Variants in MICA observed in about 807,000 individuals in gnomAD.
MICA encodes the protein MHC class I polypeptide-related sequence A, also known as HLA class I antigen.
MICA carries 18 observed loss-of-function variants against 34.3 expected under a neutral mutation model. That is an observed-to-expected ratio of 0.52 (90% CI 0.36 to 0.78). MICA has a LOEUF of 0.78. MICA is among the 30% of genes least tolerant of loss of function. The probability of loss-of-function intolerance (pLI) is 0.00; values close to 1 mark genes in which losing one functional copy is unlikely to be tolerated. For missense variants in MICA, 333 were observed against 409.4 expected, an observed-to-expected ratio of 0.81 and a Z score of 1.61; for synonymous variants, 135 against 156.9, an observed-to-expected ratio of 0.86 and a Z score of 1.04.
Position 31,411,413 on chromosome 6 carries a change from T to C in MICA, c.613+54T>C. On this transcript the variant is annotated intron_variant, in intron 3 of 5. Coordinates refer to ENST00000449934, the MANE Select transcript of MICA (RefSeq NM_001177519.3). The surrounding 1 kb of genome is among the most constrained non-coding windows in gnomAD (Gnocchi z 4.3). ...TCCCTCCAATTCTGCTAGAGTTGCC[T>C]CACCTCCCAGATGTGTCCAGGGAAA... is the stretch of plus-strand genomic sequence containing the variant. 1 of 1,493,676 alleles carries C rather than the reference T, an allele frequency of 6.7e-7. No individual in the cohort carries two copies. The highest frequency in any genetic ancestry group is 2.1e-5 in the Admixed American group (1 of 47,070). 92.5% of individuals were successfully genotyped at this position (1,493,676 alleles called of 1,614,324 possible).
rs3828875 is a variant in MICA, at chr6:31,411,391, C to T, written c.613+32C>T. On this transcript the variant is annotated intron_variant, in intron 3 of 5. Coordinates refer to ENST00000449934, the MANE Select transcript of MICA (RefSeq NM_001177519.3). The surrounding 1 kb of genome is among the most constrained non-coding windows in gnomAD (Gnocchi z 4.3). ...ACGCTGGCCAGGGGCTCTCCTCTCC[C>T]TCCAATTCTGCTAGAGTTGCCTCAC... 55,183 of 1,527,512 alleles carry T rather than the reference C, an allele frequency of 0.036. 1,891 individuals carry two copies. The highest frequency in any genetic ancestry group is 0.097 in the Admixed American group (4,703 of 48,546). The allele number at this position is 1,527,512 out of a possible 1,614,324, so 94.6% of individuals were successfully genotyped here.
At chr6:31,401,461 C>T (rs951854312), upstream of MICA, among the ~76,000 whole-genome samples, 6 of 151,506 alleles carry the variant, frequency 4.0e-5, no homozygotes, top group African/African-American at 7.3e-5. Flanking sequence ...AAAGAAGAAA[C>T]GGACACATTT....
intron 1 of MICA, among the ~76,000 whole-genome samples, chr6:31,409,550 AT>A (rs1269429406): frequency 9.1e-6 from 1 of 109,522 alleles, no homozygotes; most frequent in African/African-American, 2.9e-5. Context: ...TATTTATTTC[AT>A]TTCGGGGTTG....
rs1771069379 is a variant in MICA, at chr6:31,410,684, A to C, written c.212A>C (p.Gln71Pro). ...RQKCRAKPQGQWAEDVLGNKT... is the reference protein window; with the variant it reads ...RQKCRAKPQGPWAEDVLGNKT... ...AAATGCAGGGCAAAGCCCCAGGGAC[A>C]GTGGGCAGAAGATGTCCTGGGAAAT... The change falls in exon 2 of 6, where the codon CAG becomes CCG. Residue 71 changes from glutamine to proline, a missense_variant. Physicochemically the swap from Gln to Pro is moderately conservative, Grantham distance 76. Transcript: ENST00000449934. 6.2e-7 allele frequency: 1 copy of C among 1,613,486 alleles called. No homozygotes were observed. Among genetic ancestry groups the C allele is most frequent in the Non-Finnish European group, 8.5e-7 (1 of 1,180,006 alleles).
At chr6:31,403,319 C>T (rs552836415), upstream of MICA, among the ~76,000 whole-genome samples, 1 of 151,884 alleles carries the variant, frequency 6.6e-6, no homozygotes, top group South Asian at 2.1e-4. The surrounding 1 kb of genome is among the most constrained non-coding windows in gnomAD (Gnocchi z 4.7). Flanking sequence ...GCAGGCAGGG[C>T]CCTGGCCGTG....
In MICA at chr6:31,415,034, G is replaced by C. The variant is rs774160539; in HGVS notation, c.*52G>C. On this transcript the variant is annotated 3_prime_UTR_variant, in exon 6 of 6. Coordinates refer to ENST00000449934, the MANE Select transcript of MICA (RefSeq NM_001177519.3). ...CAGAGCTCGTGAGCCTGCAGGTCCTGGATCAACACCCAGTTGGGACGAGTG... is the reference window on the plus strand; with the variant it reads ...CAGAGCTCGTGAGCCTGCAGGTCCTCGATCAACACCCAGTTGGGACGAGTG... 4 of 1,470,602 alleles carry C rather than the reference G, an allele frequency of 2.7e-6. No homozygotes were observed. The highest frequency in any genetic ancestry group is 3.8e-6 in the Non-Finnish European group (4 of 1,059,090). 91.1% of individuals were successfully genotyped at this position (1,470,602 alleles called of 1,614,324 possible).
intron 1 of MICA, among the ~76,000 whole-genome samples, chr6:31,407,678 G>T (rs934751493): frequency 1.3e-5 from 2 of 151,920 alleles, no homozygotes; most frequent in African/African-American, 2.4e-5. Context: ...TGTTAGCACT[G>T]ATTTTTGCAT....
At chr6:31,410,011 ACTTCTCTGGGGCTACAAC>A (rs1771002148) in intron 1 of MICA, among the ~76,000 whole-genome samples, 2 of 150,876 alleles carry the variant, frequency 1.3e-5, no homozygotes, top group African/African-American at 4.9e-5. Flanking sequence ...CCCACTATAA[ACTTCTCTGGGGCTACAAC>A]CTTCCTACCC....
chr6:31,412,318 T>C lies in MICA; in HGVS notation c.893-7T>C, dbSNP rs746490994. ...TGCCCAGTGTATAACAAGTCCCTTTTTTTCAGGGAAAGTGCTGGTGCTTCA... is the reference window on the plus strand; with the variant it reads ...TGCCCAGTGTATAACAAGTCCCTTTCTTTCAGGGAAAGTGCTGGTGCTTCA... On this transcript the variant is annotated splice_region_variant and splice_polypyrimidine_tract_variant and intron_variant, in intron 4 of 5. Transcript: ENST00000449934. The C allele has an allele frequency of 1.2e-6, 2 of 1,604,310 alleles. No individual in the cohort carries two copies. The highest frequency in any genetic ancestry group is 1.1e-5 in the South Asian group (1 of 89,822).
chr6:31,413,446 C>T (rs77563643), intron 5 of MICA, among the ~76,000 whole-genome samples: 8,508 of 151,908 alleles, frequency 0.056, 419 homozygotes, highest in South Asian at 0.17. Flanking sequence ...GAGTAAGGGA[C>T]GGTCAGAATC....
At chr6:31,412,645 A>G (rs2256174) in intron 5 of MICA, among the ~76,000 whole-genome samples, 185 bp downstream of exon 5, 97,820 of 151,482 alleles carry the variant, frequency 0.65, 32,675 homozygotes, top group Middle Eastern at 0.8. Flanking sequence ...CTGCCCAAGC[A>G]AGGGTCAAAC....
rs1394856696 is a variant in MICA, at chr6:31,405,628, T to C, written c.70+1926T>C. Among the ~76,000 whole-genome samples, 4 of 151,866 alleles carry C rather than the reference T, an allele frequency of 2.6e-5. No homozygotes were observed. The Admixed American group carries it at 2.6e-4, about 10-fold the overall frequency. On this transcript the variant is annotated intron_variant, in intron 1 of 5. Transcript: ENST00000449934. ...TACAATAAATTATTGTTGACTGTAC[T>C]CACCCTGCTGTGCTATCTACTAGAT... is the stretch of plus-strand genomic sequence containing the variant.
intron 1 of MICA, among the ~76,000 whole-genome samples, chr6:31,406,826 T>C (rs1358739870): frequency 6.6e-6 from 1 of 151,928 alleles, no homozygotes; most frequent in Non-Finnish European, 1.5e-5. Flanking sequence ...TGCCAATGTG[T>C]GTTCTTGGTA....
intron 1 of MICA, among the ~76,000 whole-genome samples, chr6:31,410,304 C>T (rs1771025037): frequency 6.6e-6 from 1 of 151,948 alleles, no homozygotes; most frequent in Non-Finnish European, 1.5e-5. Context: ...TTGTGGCCAC[C>T]CAGTCCTTGC....
In MICA at chr6:31,411,449, G is replaced by T; in HGVS notation, c.613+90G>T. ...ATGTGTCCAGGGAAACCCTCCCTGTGCTATGGATGAAGGCATTTCCTGTTG... is the reference window on the plus strand; with the variant it reads ...ATGTGTCCAGGGAAACCCTCCCTGTTCTATGGATGAAGGCATTTCCTGTTG... On this transcript the variant is annotated intron_variant, in intron 3 of 5. Transcript: ENST00000449934. This position sits in a 1 kb window ranked among gnomAD's most constrained non-coding sequence, Gnocchi z 4.3. The T allele has an allele frequency of 7.8e-7, 1 of 1,278,110 alleles. No homozygotes were observed. The highest frequency in any genetic ancestry group is 1.5e-5 in the African/African-American group (1 of 65,616). 79.2% of individuals were successfully genotyped at this position (1,278,110 alleles called of 1,614,324 possible). A position where few individuals can be genotyped will look rare whatever the true frequency, so the allele number is the denominator to read the frequency against.
chr6:31,412,000 G>A lies in MICA; in HGVS notation c.667G>A (p.Val223Met), dbSNP rs536431393. 1.4e-5 allele frequency: 22 copies of A among 1,612,932 alleles called. No individual in the cohort carries two copies. Among genetic ancestry groups the A allele is most frequent in the African/African-American group, 8.0e-5 (6 of 74,812 alleles). ...RSEASEGNIT[V>M]TCRASSFYPR... ...CGAGGCCTCAGAGGGCAACATCACC[G>A]TGACATGCAGGGCTTCCAGCTTCTA... The change falls in exon 4 of 6, where the codon GTG (valine) becomes ATG (methionine). Residue 223 changes from valine to methionine, a missense_variant. By Grantham distance (21) the Val-to-Met change is conservative. Coordinates refer to ENST00000449934, the MANE Select transcript of MICA (RefSeq NM_001177519.3). This position sits in a 1 kb window ranked among gnomAD's most constrained non-coding sequence, Gnocchi z 4.3.
rs1339434831 is a variant in MICA, at chr6:31,410,673, G to T, written c.201G>T (p.Lys67Asn). The stretch of plus-strand genomic sequence containing the variant: ...ATGACAGGCAGAAATGCAGGGCAAA[G>T]CCCCAGGGACAGTGGGCAGAAGATG... ...LRYDRQKCRA[K>N]PQGQWAEDVL... Residue 67 changes from lysine to asparagine, a missense_variant, in exon 2 of 6, where the codon AAG becomes AAT. By Grantham distance (94) the Lys-to-Asn change is moderately conservative. Coordinates refer to ENST00000449934, the MANE Select transcript of MICA (RefSeq NM_001177519.3). The T allele has an allele frequency of 1.2e-6, 2 of 1,613,424 alleles. No homozygotes were observed. Among genetic ancestry groups the T allele is most frequent in the Non-Finnish European group, 8.5e-7 (1 of 1,179,954 alleles).
chr6:31,414,255 G>T (rs981477106), intron 5 of MICA, among the ~76,000 whole-genome samples: 8 of 151,952 alleles, frequency 5.3e-5, no homozygotes, highest in Admixed American at 6.6e-5. Flanking sequence ...GTGGCCGGGT[G>T]GAATCCCTGC....
rs1260334234 is a variant in MICA, at chr6:31,403,736, G to T, written c.70+34G>T. 2.6e-6 allele frequency: 4 copies of T among 1,520,996 alleles called. No individual in the cohort carries two copies. The African/African-American group carries it at 4.3e-5, about 16-fold the overall frequency. 94.2% of individuals were successfully genotyped at this position (1,520,996 alleles called of 1,614,324 possible). Reference sequence around the variant, plus strand: ...CGTTCCTGGCGGTCCTCGGCGGAGCGGGAGCAGTGGGACGTTTCCGGGGGT... The same window carrying T: ...CGTTCCTGGCGGTCCTCGGCGGAGCTGGAGCAGTGGGACGTTTCCGGGGGT... On this transcript the variant is annotated intron_variant, in intron 1 of 5. Transcript: ENST00000449934. The surrounding 1 kb of genome is among the most constrained non-coding windows in gnomAD (Gnocchi z 4.7).
Sources: allele counts gnomAD v4.1 joint callset (sites outside exome capture counted in the v4.1 genomes callset), GRCh38; gene constraint gnomAD v4.1.1; non-coding constraint Gnocchi (gnomAD v3.1); transcripts MANE v1.5; gene names NCBI Gene and HGNC (gene_info 2026-07-23, HGNC 2026-07-21).